TRMT11: variants seen among roughly 807,000 people sequenced by gnomAD.
TRMT11 encodes tRNA methyltransferase 11.
A neutral mutation model predicts 62.8 loss-of-function variants in TRMT11; 53 were observed. That is an observed-to-expected ratio of 0.84 (90% CI 0.68 to 1.06). TRMT11 has a LOEUF of 1.06. Ranked by LOEUF, TRMT11 falls within the 50% of genes least tolerant of loss-of-function variation. The probability of loss-of-function intolerance (pLI) is 0.00; values close to 1 mark genes in which losing one functional copy is unlikely to be tolerated. For synonymous variants in TRMT11, 188 were observed against 190.3 expected, an observed-to-expected ratio of 0.99 and a Z score of 0.10; for missense variants, 556 against 553.4, an observed-to-expected ratio of 1.00 and a Z score of -0.05.
intron 21 of TRMT11, among the ~76,000 whole-genome samples, chr6:126,169,040 T>A (rs1469283071): frequency 6.6e-6 from 1 of 152,240 alleles, no homozygotes; most frequent in African/African-American, 2.4e-5. Flanking sequence ...CATTAACATT[T>A]AAAAATCAGG....
At chr6:126,035,894 C>G (rs1181528417) in intron 12 of TRMT11, among the ~76,000 whole-genome samples, 5 of 152,014 alleles carry the variant, frequency 3.3e-5, no homozygotes, top group African/African-American at 1.2e-4. Flanking sequence ...TAATCCCTTC[C>G]TTTGGTCCGT....
chr6:126,039,009 T>C lies in TRMT11; in HGVS notation c.*173T>C. On this transcript the variant is annotated 3_prime_UTR_variant, in exon 13 of 13. Transcript: ENST00000334379. Reference sequence around the variant, plus strand: ...AAAGTTATCTTTGTTTTATAGACTTTTTTGTTGTATGTATTACAGTCTTTA... The same window carrying C: ...AAAGTTATCTTTGTTTTATAGACTTCTTTGTTGTATGTATTACAGTCTTTA... 1 of 550,182 alleles carries C rather than the reference T, an allele frequency of 1.8e-6. No individual in the cohort carries two copies. The allele number at this position is 550,182 out of a possible 1,614,324, so 34.1% of individuals were successfully genotyped here.
At chr6:126,214,295 G>T in the TRMT11 span, among the ~76,000 whole-genome samples, 1 of 152,000 alleles carries the variant, frequency 6.6e-6, no homozygotes, top group Non-Finnish European at 1.5e-5. Flanking sequence ...TTTCAGAATA[G>T]TTTATGTAGA....
At chr6:126,043,740 G>T (rs1403719847), downstream of TRMT11, among the ~76,000 whole-genome samples, 1 of 150,300 alleles carries the variant, frequency 6.7e-6, no homozygotes, top group Non-Finnish European at 1.5e-5. Flanking sequence ...TTTAATGATT[G>T]CCATTCTAAC....
chr6:126,225,685 ATTTTT>A, the TRMT11 span, among the ~76,000 whole-genome samples: 150 of 95,282 alleles, frequency 1.6e-3, no homozygotes, highest in African/African-American at 7.6e-3. Context: ...TATGTTTACT[ATTTTT>A]TTTTTTTTTT....
intron 21 of TRMT11, among the ~76,000 whole-genome samples, chr6:126,151,931 C>CTTTCTTTCTTTCTTTCTTTCTT (rs1562334964): frequency 3.2e-5 from 3 of 93,418 alleles, no homozygotes; most frequent in African/African-American, 1.6e-4. Context: ...TTCTTTCTTT[C>CTTTCTTTCTTTCTTTCTTTCTT]TTTCTTTCTT....
chr6:126,032,699 G>A (rs775868511), intron 12 of TRMT11, among the ~76,000 whole-genome samples: 12 of 152,234 alleles, frequency 7.9e-5, no homozygotes, highest in Non-Finnish European at 1.6e-4. Context: ...ATGTCTGGAT[G>A]TACATTGTTT....
At chr6:126,012,450 G>A (rs575954138) in intron 9 of TRMT11, among the ~76,000 whole-genome samples, 22 of 152,248 alleles carry the variant, frequency 1.4e-4, no homozygotes, top group African/African-American at 4.8e-4. Context: ...CTCAGTAATA[G>A]CTTTTATGGC....
At chr6:126,171,028 T>G (rs1342024071) in intron 21 of TRMT11, among the ~76,000 whole-genome samples, 1 of 152,158 alleles carries the variant, frequency 6.6e-6, no homozygotes, top group African/African-American at 2.4e-5. Flanking sequence ...TTAAATATGC[T>G]ATTTAACTTT....
At position 126,151,944 on chromosome 6, in the gene TRMT11, T is replaced by TTTCTTTCTTTCTTTC. The variant is rs368793532; in HGVS notation, c.*1824-22879_*1824-22878insCTTTCTTTCTTTCTT. 1.8e-3 allele frequency among the ~76,000 whole-genome samples: 19 copies of TTTCTTTCTTTCTTTC among 10,786 alleles called. 1 individual carries two copies. Among genetic ancestry groups the TTTCTTTCTTTCTTTC allele is most frequent in the South Asian group, 6.4e-3 (2 of 312 alleles). 7.1% of individuals were successfully genotyped at this position (10,786 alleles called of 152,430 possible). A position where few individuals can be genotyped will look rare whatever the true frequency, so the allele number is the denominator to read the frequency against. On this transcript the variant is annotated intron_variant and NMD_transcript_variant, in intron 21 of 22. Coordinates refer to the TRMT11 transcript ENST00000648977. ...CTTTCTTTCTTTCTTTCTTTCTTTCTTTTCTTTCTTTCTTTTCTTTCTTTC... is the reference window on the plus strand; with the variant it reads ...CTTTCTTTCTTTCTTTCTTTCTTTCTTTCTTTCTTTCTTTCTTTCTTTCTTTCTTTTCTTTCTTTC...
intron 21 of TRMT11, among the ~76,000 whole-genome samples, chr6:126,149,806 A>T (rs1432885660): frequency 6.6e-6 from 1 of 152,204 alleles, no homozygotes; most frequent in African/African-American, 2.4e-5. Flanking sequence ...TCAGGACTAT[A>T]CAACTGAAGA....
chr6:126,164,004 G>T (rs535609393), intron 21 of TRMT11, among the ~76,000 whole-genome samples: 1 of 152,046 alleles, frequency 6.6e-6, no homozygotes, highest in Non-Finnish European at 1.5e-5. Context: ...GTTATTTCTT[G>T]TCTTCTGCTA....
the TRMT11 span, among the ~76,000 whole-genome samples, chr6:126,271,279 G>T: frequency 1.4e-5 from 2 of 143,852 alleles, no homozygotes; most frequent in African/African-American, 5.1e-5. Context: ...CAGGAAAATC[G>T]CTTGAACCCG....
At chr6:126,146,244 A>G (rs1777972733) in intron 21 of TRMT11, among the ~76,000 whole-genome samples, 2 of 152,210 alleles carry the variant, frequency 1.3e-5, no homozygotes, top group African/African-American at 4.8e-5. Flanking sequence ...AGTCTCATTC[A>G]TAATCCAGTA....
chr6:126,210,317 G>A, the TRMT11 span, among the ~76,000 whole-genome samples: 1 of 152,186 alleles, frequency 6.6e-6, no homozygotes, highest in African/African-American at 2.4e-5. Context: ...GAAATGGCAG[G>A]CAGCCTCCAG....
chr6:125,998,739 T>G, intron 6 of TRMT11, 55 bp downstream of exon 6: 23 of 1,571,880 alleles, frequency 1.5e-5, no homozygotes, highest in Non-Finnish European at 1.9e-5. Flanking sequence ...AGCTACTTAT[T>G]AGGCCTTTTG....
At chr6:126,113,504 G>A (rs974723996) in intron 18 of TRMT11, among the ~76,000 whole-genome samples, 1 of 152,042 alleles carries the variant, frequency 6.6e-6, no homozygotes, top group African/African-American at 2.4e-5. Context: ...ATACATGAGA[G>A]ACTGAGTTGA....
chr6:126,074,484 C>T (rs536392943), intron 17 of TRMT11, among the ~76,000 whole-genome samples: 1 of 152,000 alleles, frequency 6.6e-6, no homozygotes, highest in African/African-American at 2.4e-5. Context: ...TTTTAAATAC[C>T]ACCTAGAGCT....
chr6:126,113,217 C>T (rs1393349396), intron 18 of TRMT11, among the ~76,000 whole-genome samples: 1 of 152,048 alleles, frequency 6.6e-6, no homozygotes, highest in African/African-American at 2.4e-5. Flanking sequence ...TTGACTGCTT[C>T]TAGAGTACCT....
Sources: allele counts gnomAD v4.1 joint callset (sites outside exome capture counted in the v4.1 genomes callset), GRCh38; gene constraint gnomAD v4.1.1; transcripts MANE v1.5; gene names NCBI Gene and HGNC (gene_info 2026-07-23, HGNC 2026-07-21).